PRPF38A: variants seen among roughly 807,000 people sequenced by gnomAD.
PRPF38A encodes the protein pre-mRNA processing factor 38A, also known as pre-mRNA-splicing factor 38A.
PRPF38A carries 11 observed loss-of-function variants against 46.8 expected under a neutral mutation model. That is an observed-to-expected ratio of 0.24 (90% CI 0.15 to 0.39). The LOEUF is 0.39. PRPF38A is among the 10% of genes least tolerant of loss of function. The pLI is 1.00. For synonymous variants in PRPF38A, 124 were observed against 136.2 expected (o/e 0.91, Z 0.62); for missense variants, 261 against 407.5 (o/e 0.64, Z 3.10).
chr1:52,405,038 G>A (rs1426618964), intron 1 of PRPF38A, among the ~76,000 whole-genome samples, 159 bp downstream of exon 1: 4 of 152,214 alleles, frequency 2.6e-5, no homozygotes, highest in African/African-American at 9.7e-5. Context: ...GCCTCGTCTT[G>A]TGTTGAGTAT....
chr1:52,414,111 CTG>C (rs1425510017), intron 6 of PRPF38A, 120 bp downstream of exon 6: 3 of 652,954 alleles, frequency 4.6e-6, no homozygotes, highest in Non-Finnish European at 8.2e-6. Context: ...TATTAGTTAT[CTG>C]TTGCTGCAAA....
intron 9 of PRPF38A, among the ~76,000 whole-genome samples, chr1:52,416,128 C>T (rs947953786): frequency 2.0e-5 from 3 of 151,996 alleles, no homozygotes; most frequent in Admixed American, 6.6e-5. Flanking sequence ...CATGAGCCAC[C>T]GCGCCGGGCC....
intron 4 of PRPF38A, 36 bp downstream of exon 4, chr1:52,411,236 C>G: frequency 1.3e-6 from 2 of 1,483,736 alleles, no homozygotes; most frequent in Non-Finnish European, 1.9e-6. Flanking sequence ...AGTCACCCTT[C>G]TCTTCCTAGA....
chr1:52,407,823 A>G (rs544248323), intron 2 of PRPF38A, among the ~76,000 whole-genome samples: 8 of 152,370 alleles, frequency 5.3e-5, no homozygotes, highest in African/African-American at 1.9e-4. Context: ...TGGGAGGCCA[A>G]GGCAGGCAGA....
chr1:52,404,997 C>T (rs1196215648), intron 1 of PRPF38A, 118 bp downstream of exon 1: 5 of 1,267,498 alleles, frequency 3.9e-6, no homozygotes, highest in Non-Finnish European at 5.5e-6. Context: ...GTATGTCGAT[C>T]ATTCAGAAAA....
chr1:52,420,640 G>A lies in PRPF38A; in HGVS notation c.*3950G>A, dbSNP rs929418387. On this transcript the variant is annotated 3_prime_UTR_variant, in exon 10 of 10. Coordinates refer to ENST00000257181, the MANE Select transcript of PRPF38A (RefSeq NM_032864.4). ...TAATTTGCTATATTTGTTAAATATA[G>A]CATATGAGCCCACTTTTGTAAAACT... 3.3e-5 allele frequency: 5 copies of A among 152,088 alleles called. No homozygotes were observed. Among genetic ancestry groups the A allele is most frequent in the African/African-American group, 4.8e-5 (2 of 41,428 alleles). 9.4% of individuals were successfully genotyped at this position (152,088 alleles called of 1,614,324 possible).
rs958104622 is a variant in PRPF38A, at chr1:52,408,377, A to C, written c.291-192A>C. 3 of 716,990 alleles carry C rather than the reference A, an allele frequency of 4.2e-6. No individual in the cohort carries two copies. In the African/African-American group the frequency reaches 5.2e-5, roughly 12 times the overall value. The allele number at this position is 716,990 out of a possible 1,614,324, so 44.4% of individuals were successfully genotyped here. A position where few individuals can be genotyped will look rare whatever the true frequency, so the allele number is the denominator to read the frequency against. On this transcript the variant is annotated intron_variant, in intron 2 of 9. Coordinates refer to ENST00000257181, the MANE Select transcript of PRPF38A (RefSeq NM_032864.4). ...TGATGTTCCCACAGCCATAAATGGT[A>C]GCATGGGAACTTGAACTCAGGTCTC...
At chr1:52,415,165 C>G (rs1412712727) in intron 8 of PRPF38A, among the ~76,000 whole-genome samples, 173 bp from the exon 9 acceptor site, 1 of 152,212 alleles carries the variant, frequency 6.6e-6, no homozygotes, top group African/African-American at 2.4e-5. Context: ...GGTTTCATTA[C>G]TACTTTCTTT....
In PRPF38A at chr1:52,411,112, C is replaced by T. The variant is rs373575494; in HGVS notation, c.413-3C>T. On this transcript the variant is annotated splice_polypyrimidine_tract_variant and splice_region_variant and intron_variant, in intron 3 of 9. Coordinates refer to ENST00000257181, the MANE Select transcript of PRPF38A (RefSeq NM_032864.4). ...TGTTTGCTCTAATGACTTTTTCTTG[C>T]AGAGTTTGAATTGATGCATGTTGAT... 20 of 1,609,362 alleles carry T rather than the reference C, an allele frequency of 1.2e-5. No individual in the cohort carries two copies. The African/African-American group carries it at 2.3e-4, about 18-fold the overall frequency.
In PRPF38A at chr1:52,413,969, A is replaced by G. The variant is rs1208696984; in HGVS notation, c.700A>G (p.Ser234Gly). Residue 234 changes from serine (S) to glycine (G), a missense_variant, in exon 6 of 10, where the codon AGT becomes GGT. By Grantham distance (56) the Ser-to-Gly change is moderately conservative. Transcript: ENST00000257181. ...CTCTCCCACACTGCGCTACAGGAGG[A>G]GTAGGAGCCGGTCTCCCAGAAGGTA... ...RRSPTLRYRR[S>G]RSRSPRRRSR... The G allele has an allele frequency of 6.2e-7, 1 of 1,613,300 alleles. No homozygotes were observed. The highest frequency in any genetic ancestry group is 8.5e-7 in the Non-Finnish European group (1 of 1,179,294).
chr1:52,408,524 G>GTAA (rs1228567048), intron 2 of PRPF38A, 45 bp from the exon 3 acceptor site: 33 of 1,613,094 alleles, frequency 2.0e-5, no homozygotes, highest in Non-Finnish European at 2.7e-5. Flanking sequence ...TAAAACTCAG[G>GTAA]AACTTCTAGG....
intron 2 of PRPF38A, among the ~76,000 whole-genome samples, chr1:52,408,090 A>T (rs1648048713): frequency 6.6e-6 from 1 of 150,610 alleles, no homozygotes; most frequent in Non-Finnish European, 1.5e-5. Flanking sequence ...AAAATACAAA[A>T]ATTAGCTGGG....
Position 52,412,623 on chromosome 1 carries a change from A to C in PRPF38A, c.608A>C (p.Lys203Thr), listed in dbSNP as rs913012537. The C allele has an allele frequency of 1.3e-6, 2 of 1,598,046 alleles. No individual in the cohort carries two copies. The highest frequency in any genetic ancestry group is 1.7e-6 in the Non-Finnish European group (2 of 1,165,650). Residue 203 changes from lysine to threonine, a missense_variant and splice_region_variant, in exon 5 of 10, where the codon AAG (lysine) becomes ACG (threonine). Physicochemically the swap from Lys to Thr is moderately conservative, Grantham distance 78. Coordinates refer to ENST00000257181, the MANE Select transcript of PRPF38A (RefSeq NM_032864.4). ...GAAGAGGAAGAAGAGGAGGATGAGA[A>C]GGTCTGGCACCTGAGACTTTTATGG... ...SSEEEEEEDE[K>T]LERVPSPDHR... is the part of the protein sequence containing the mutation.
intron 3 of PRPF38A, among the ~76,000 whole-genome samples, chr1:52,410,159 A>G (rs1648107882): frequency 7.0e-6 from 1 of 142,716 alleles, no homozygotes; most frequent in African/African-American, 2.5e-5. Context: ...AACATAATTT[A>G]TATATAATAT....
rs201055560 is a variant in PRPF38A, at chr1:52,412,531, G to C, written c.516G>C (p.Glu172Asp). 15 of 1,613,052 alleles carry C rather than the reference G, an allele frequency of 9.3e-6. No individual in the cohort carries two copies. The highest frequency in any genetic ancestry group is 1.3e-5 in the Non-Finnish European group (15 of 1,179,276). The change falls in exon 5 of 10, where the codon GAG (glutamate) becomes GAC (aspartate). Residue 172 changes from glutamate to aspartate, a missense_variant. By Grantham distance (45) the Glu-to-Asp change is conservative (BLOSUM62 2). Around this residue, in one of 2 missense-constraint regions of PRPF38A, gnomAD observed 180 missense variants for 221.0 expected, o/e 0.81. Coordinates refer to ENST00000257181, the MANE Select transcript of PRPF38A (RefSeq NM_032864.4). ...CTCTGTAGAAACGCTATGTATTAGA[G>C]GAAGCTGAGCAACTGGAGCCTCGAG... Reference protein sequence around the residue: ...LPRLQKRYVLEEAEQLEPRVS... With the variant: ...LPRLQKRYVLDEAEQLEPRVS...
At position 52,414,749 on chromosome 1, in the gene PRPF38A, G is replaced by A. The variant is rs749949826; in HGVS notation, c.750-13G>A. 1.8e-5 allele frequency: 29 copies of A among 1,614,024 alleles called. No individual in the cohort carries two copies. In the Admixed American group the frequency reaches 3.7e-4, roughly 20 times the overall value. ...CTAACCAGATCTGGTAGTCTGACCA[G>A]TCTTTTCTACAGCCCCTCCCCTCGC... On this transcript the variant is annotated splice_polypyrimidine_tract_variant and intron_variant, in intron 7 of 9. Transcript: ENST00000257181.
In PRPF38A at chr1:52,412,495, CTCA is replaced by C. The variant is rs1648172737; in HGVS notation, c.499-14_499-12del. The C allele has an allele frequency of 3.8e-6, 6 of 1,577,954 alleles. No individual in the cohort carries two copies. In the East Asian group the frequency reaches 1.3e-4, roughly 35 times the overall value. ...GGGGAAATGGCAACAACCCCTAACT[CTCA>C]TCATTTTCTCTGTAGAAACGCTATG... is the stretch of plus-strand genomic sequence containing the variant. On this transcript the variant is annotated splice_polypyrimidine_tract_variant and intron_variant, in intron 4 of 9. Transcript: ENST00000257181.
At chr1:52,412,775 G>C in intron 5 of PRPF38A, 151 bp downstream of exon 5, 2 of 568,744 alleles carry the variant, frequency 3.5e-6, no homozygotes, top group South Asian at 4.3e-5. Context: ...CAAGGCGAGT[G>C]GATGACCAGC....
Position 52,404,822 on chromosome 1 carries a change from A to C in PRPF38A, c.73A>C (p.Ile25Leu). Residue 25 changes from isoleucine (I) to leucine (L), a missense_variant, in exon 1 of 10, where the codon ATT becomes CTT. Ile to Leu is a conservative substitution (Grantham distance 5). Coordinates refer to ENST00000257181, the MANE Select transcript of PRPF38A (RefSeq NM_032864.4). Reference sequence around the variant, plus strand: ...CCCTCAATATCTGGTGGAGAAGATCATTCGAACGCGAATCTATGAGTCCAA... The same window carrying C: ...CCCTCAATATCTGGTGGAGAAGATCCTTCGAACGCGAATCTATGAGTCCAA... Reference protein sequence around the residue: ...TNPQYLVEKIIRTRIYESKYW... With the variant: ...TNPQYLVEKILRTRIYESKYW... 1 of 1,614,252 alleles carries C rather than the reference A, an allele frequency of 6.2e-7. No individual in the cohort carries two copies. The highest frequency in any genetic ancestry group is 1.1e-5 in the South Asian group (1 of 91,086).
Sources: gnomAD v4.1 joint callset for allele counts (sites outside exome capture counted in the v4.1 genomes callset) on GRCh38, gnomAD v4.1.1 for gene constraint, gnomAD v4.1.1 regional missense constraint, MANE v1.5 for transcripts, NCBI Gene and HGNC (gene_info 2026-07-23, HGNC 2026-07-21) for gene names.